The following SLC22A3 variants were observed in gnomAD, a reference collection of about 807,000 sequenced individuals.
The protein encoded by SLC22A3 is solute carrier family 22 member 3, also known as EMT organic cation transporter 3.
In SLC22A3, 51 loss-of-function variants were observed where a neutral mutation model predicts 59.1. That is an observed-to-expected ratio of 0.86 (90% CI 0.69 to 1.09). The LOEUF is 1.09. Among genes scored for constraint, SLC22A3 ranks in the 50% least tolerant of loss-of-function variants. The pLI is 0.00. For missense variants in SLC22A3, 711 were observed against 726.3 expected, an observed-to-expected ratio of 0.98 and a Z score of 0.24; for synonymous variants, 325 against 292.0, an observed-to-expected ratio of 1.11 and a Z score of -1.15.
At chr6:160,350,585 T>C (rs928579952) in intron 1 of SLC22A3, among the ~76,000 whole-genome samples, 1 of 152,090 alleles carries the variant, frequency 6.6e-6, no homozygotes, top group African/African-American at 2.4e-5. Flanking sequence ...AGGACCCACA[T>C]GGAGGGCAGA....
intron 5 of SLC22A3, among the ~76,000 whole-genome samples, chr6:160,411,756 A>G (rs1157669610): frequency 6.6e-6 from 1 of 152,166 alleles, no homozygotes; most frequent in Non-Finnish European, 1.5e-5. Context: ...AAAGATTTTA[A>G]AAAAATGAAA....
chr6:160,388,626 G>C (rs1786119163), intron 1 of SLC22A3, among the ~76,000 whole-genome samples: 1 of 152,152 alleles, frequency 6.6e-6, no homozygotes, highest in Non-Finnish European at 1.5e-5. Flanking sequence ...TCTATAAAAT[G>C]CTCATAGAAA....
At chr6:160,382,781 G>A (rs907871392) in intron 1 of SLC22A3, among the ~76,000 whole-genome samples, 3 of 151,882 alleles carry the variant, frequency 2.0e-5, no homozygotes, top group African/African-American at 7.3e-5. Flanking sequence ...TCAACCAAAG[G>A]GCATTAAAAG....
chr6:160,438,750 C>T (rs770698359), intron 7 of SLC22A3, among the ~76,000 whole-genome samples: 1 of 152,078 alleles, frequency 6.6e-6, no homozygotes, highest in Non-Finnish European at 1.5e-5. Context: ...ACAAACTCAC[C>T]GGCTTGAAAC....
intron 10 of SLC22A3, among the ~76,000 whole-genome samples, chr6:160,448,940 T>G (rs549263906): frequency 6.6e-6 from 1 of 152,324 alleles, no homozygotes; most frequent in Middle Eastern, 3.4e-3. Context: ...TAAAAAGCAA[T>G]CTTAATAATG....
intron 5 of SLC22A3, among the ~76,000 whole-genome samples, chr6:160,423,638 G>T (rs1387133599): frequency 6.6e-6 from 1 of 152,178 alleles, no homozygotes; most frequent in African/African-American, 2.4e-5. Flanking sequence ...CTTTTGAGAA[G>T]TGTCTGTTCA....
chr6:160,408,666 G>C, intron 3 of SLC22A3, 87 bp from the exon 4 acceptor site: 1 of 1,294,740 alleles, frequency 7.7e-7, no homozygotes, highest in Non-Finnish European at 1.1e-6. Flanking sequence ...GCTGATGGAT[G>C]TAACAGGTGT....
intron 5 of SLC22A3, among the ~76,000 whole-genome samples, chr6:160,423,771 T>C (rs1405731740): frequency 6.6e-6 from 1 of 152,222 alleles, no homozygotes; most frequent in East Asian, 1.9e-4. Flanking sequence ...TTCTCTAGGT[T>C]GCCTGTTCAC....
chr6:160,421,579 A>G (rs576991988), intron 5 of SLC22A3, among the ~76,000 whole-genome samples: 36 of 152,014 alleles, frequency 2.4e-4, no homozygotes, highest in Non-Finnish European at 4.4e-4. Context: ...TTCCCTGCCT[A>G]CCCTGAGCCC....
chr6:160,355,794 CAACA>C (rs1185364639), intron 1 of SLC22A3, among the ~76,000 whole-genome samples: 6 of 139,024 alleles, frequency 4.3e-5, no homozygotes, highest in Non-Finnish European at 6.5e-5. Flanking sequence ...ACAACAACAA[CAACA>C]AAAAACTTGT....
chr6:160,375,067 C>G (rs1456518414), intron 1 of SLC22A3, among the ~76,000 whole-genome samples: 3 of 152,146 alleles, frequency 2.0e-5, no homozygotes, highest in Non-Finnish European at 4.4e-5. Flanking sequence ...CAGAAATGAC[C>G]ACATGCTCAC....
At chr6:160,450,602 T>C (rs752378042) in intron 10 of SLC22A3, among the ~76,000 whole-genome samples, 24 of 152,080 alleles carry the variant, frequency 1.6e-4, no homozygotes, top group Non-Finnish European at 2.6e-4. Context: ...ATTATAAAAG[T>C]ATTAATTTTG....
Position 160,443,683 on chromosome 6 carries a change from C to A in SLC22A3, c.1451C>A (p.Ala484Asp). Residue 484 changes from alanine (A) to aspartate (D), a missense_variant, in exon 9 of 11, where the codon GCC becomes GAC. Transcript: ENST00000275300. ...SGLCDFGGIIAPFLLFRLAAV... is the reference protein window; with the variant it reads ...SGLCDFGGIIDPFLLFRLAAV... ...CTGTGTGATTTTGGGGGAATCATAG[C>A]CCCATTTCTGCTCTTTCGGCTAGCA... 1 of 1,613,924 alleles carries A rather than the reference C, an allele frequency of 6.2e-7. No individual in the cohort carries two copies. The highest frequency in any genetic ancestry group is 8.5e-7 in the Non-Finnish European group (1 of 1,179,902).
intron 5 of SLC22A3, among the ~76,000 whole-genome samples, chr6:160,433,003 C>T (rs1008321609): frequency 6.6e-6 from 1 of 152,306 alleles, no homozygotes; most frequent in Admixed American, 6.5e-5. Context: ...CAGCAAACTA[C>T]AGCTTGCAGG....
chr6:160,410,695 A>C, intron 4 of SLC22A3, 34 bp from the exon 5 acceptor site: 1 of 1,351,596 alleles, frequency 7.4e-7, no homozygotes, highest in Non-Finnish European at 1.1e-6. Flanking sequence ...TGAAATTCCT[A>C]GACATAACTC....
chr6:160,374,370 G>T (rs1217301614), intron 1 of SLC22A3, among the ~76,000 whole-genome samples: 1 of 152,164 alleles, frequency 6.6e-6, no homozygotes, highest in Non-Finnish European at 1.5e-5. Context: ...AGATGAGCTG[G>T]TGCCTCAGTT....
intron 5 of SLC22A3, among the ~76,000 whole-genome samples, chr6:160,419,971 G>C (rs988014713): frequency 3.3e-5 from 5 of 152,100 alleles, no homozygotes; most frequent in Non-Finnish European, 5.9e-5. Flanking sequence ...TTGAAAACAA[G>C]ACTATATCGC....
chr6:160,363,454 G>T (rs576445576), intron 1 of SLC22A3, among the ~76,000 whole-genome samples: 1 of 152,150 alleles, frequency 6.6e-6, no homozygotes, highest in South Asian at 2.1e-4. Context: ...CAAGAGCGGG[G>T]CCCTCCTGGG....
intron 9 of SLC22A3, among the ~76,000 whole-genome samples, chr6:160,444,551 C>T (rs1260428936): frequency 6.6e-6 from 1 of 152,076 alleles, no homozygotes; most frequent in Non-Finnish European, 1.5e-5. Flanking sequence ...CTCCTACCTC[C>T]AGCTTCCATA....
Sources: allele counts gnomAD v4.1 joint callset (sites outside exome capture counted in the v4.1 genomes callset), GRCh38; gene constraint gnomAD v4.1.1; transcripts MANE v1.5; gene names NCBI Gene and HGNC (gene_info 2026-07-23, HGNC 2026-07-21).